The following ANP32A variants were observed in gnomAD, a reference collection of about 807,000 sequenced individuals.
ANP32A encodes acidic nuclear phosphoprotein 32 family member A.
A neutral mutation model predicts 33.9 loss-of-function variants in ANP32A; 1 was observed. The ratio of observed to expected loss-of-function variants is 0.03; its 90% confidence interval spans 0.01 to 0.14. ANP32A has a LOEUF of 0.14. ANP32A is among the 10% of genes least tolerant of loss of function. The pLI, the probability that ANP32A is intolerant of heterozygous loss-of-function variation, is 1.00. For missense variants in ANP32A, 155 were observed against 306.0 expected (o/e 0.51, Z 3.68); for synonymous variants, 115 against 120.5 (o/e 0.95, Z 0.30).
intron 1 of ANP32A, 148 bp downstream of exon 1, chr15:68,820,550 C>T (rs1427904762): frequency 7.4e-6 from 3 of 402,804 alleles, no homozygotes; most frequent in Admixed American, 3.8e-5. Context: ...ACCCCCCAGC[C>T]TTGCCAATTC....
intron 1 of ANP32A, among the ~76,000 whole-genome samples, chr15:68,793,637 A>G (rs1302640991): frequency 6.6e-6 from 1 of 152,192 alleles, no homozygotes; most frequent in African/African-American, 2.4e-5. Flanking sequence ...CATTCTTCAA[A>G]TGCCTCTACC....
rs190776304 is a variant in ANP32A at position 68,793,826 on chromosome 15, C to T, written c.55-5907G>A. ...TGACAGCAGCGCATTAAACCAAGTG[C>T]GTGCTGCACGGGTCACATGCCTGTG... On this transcript the variant is annotated intron_variant, in intron 1 of 6. Transcript: ENST00000465139. Among the ~76,000 whole-genome samples, 3 of 152,312 alleles carry T rather than the reference C, an allele frequency of 2.0e-5. No homozygotes were observed. In the East Asian group the frequency reaches 5.8e-4, roughly 29 times the overall value.
chr15:68,804,997 G>A (rs1380541247), intron 1 of ANP32A, among the ~76,000 whole-genome samples: 1 of 152,212 alleles, frequency 6.6e-6, no homozygotes, highest in Admixed American at 6.5e-5. Flanking sequence ...AGCTCAGTCT[G>A]GTCCTTGGGA....
chr15:68,799,458 T>C (rs1343275406), intron 1 of ANP32A, among the ~76,000 whole-genome samples: 1 of 152,180 alleles, frequency 6.6e-6, no homozygotes. Flanking sequence ...CACAAGTCTA[T>C]GGCTGCTTTA....
chr15:68,789,669 G>A (rs958315041), intron 1 of ANP32A: 21 of 152,490 alleles, frequency 1.4e-4, no homozygotes, highest in African/African-American at 4.8e-4. Context: ...GTCCTGCAGG[G>A]CCCTGCAACT....
chr15:68,790,603 CAT>C (rs1183011689), intron 1 of ANP32A: 2 of 152,236 alleles, frequency 1.3e-5, no homozygotes, highest in African/African-American at 4.8e-5. Flanking sequence ...CTAGGTGCTT[CAT>C]ACACAGTCTC....
chr15:68,786,793 G>A (rs1288577070), intron 3 of ANP32A, among the ~76,000 whole-genome samples: 1 of 152,162 alleles, frequency 6.6e-6, no homozygotes, highest in African/African-American at 2.4e-5. Flanking sequence ...TCTCTACAAG[G>A]ATGAGCAGAG....
At chr15:68,792,618 G>A (rs1362481893) in intron 1 of ANP32A, among the ~76,000 whole-genome samples, 1 of 152,128 alleles carries the variant, frequency 6.6e-6, no homozygotes, top group East Asian at 1.9e-4. Context: ...CTCAAATTTG[G>A]CCTTTCCCCT....
intron 1 of ANP32A, among the ~76,000 whole-genome samples, chr15:68,816,684 C>T (rs1894386602): frequency 6.6e-6 from 1 of 152,028 alleles, no homozygotes; most frequent in African/African-American, 2.4e-5. Context: ...GGTGAAGAAA[C>T]AAAGCTTCAA....
intron 1 of ANP32A, among the ~76,000 whole-genome samples, chr15:68,816,662 T>C (rs756290453): frequency 6.6e-6 from 1 of 152,194 alleles, no homozygotes; most frequent in Non-Finnish European, 1.5e-5. Flanking sequence ...AATAGGATTA[T>C]TCCGTTTTAC....
At chr15:68,786,848 G>A (rs1471429602) in intron 3 of ANP32A, among the ~76,000 whole-genome samples, 4 of 152,068 alleles carry the variant, frequency 2.6e-5, no homozygotes, top group African/African-American at 9.7e-5. Flanking sequence ...GTTCACTATC[G>A]CAACAAGGAC....
At chr15:68,815,564 C>A (rs1894369687) in intron 1 of ANP32A, among the ~76,000 whole-genome samples, 1 of 152,112 alleles carries the variant, frequency 6.6e-6, no homozygotes, top group African/African-American at 2.4e-5. Context: ...CATGACTGTA[C>A]AAAAATTGGG....
At chr15:68,792,229 T>C (rs1028823221) in intron 1 of ANP32A, 2 of 152,174 alleles carry the variant, frequency 1.3e-5, no homozygotes, top group Admixed American at 1.3e-4. Flanking sequence ...TTGTAGACTT[T>C]TTCCCAATTC....
At chr15:68,793,178 C>T (rs190245722) in intron 1 of ANP32A, among the ~76,000 whole-genome samples, 7 of 152,276 alleles carry the variant, frequency 4.6e-5, no homozygotes, top group African/African-American at 1.2e-4. Flanking sequence ...TACCAGGGAG[C>T]GGAGACCAGA....
At chr15:68,784,340 C>A in intron 4 of ANP32A, 57 bp downstream of exon 4, 1 of 1,569,152 alleles carries the variant, frequency 6.4e-7, no homozygotes. Flanking sequence ...AAGCCAAGGA[C>A]GAGCCCCAAG....
At chr15:68,812,111 T>A (rs1354515817) in intron 1 of ANP32A, among the ~76,000 whole-genome samples, 3 of 152,148 alleles carry the variant, frequency 2.0e-5, no homozygotes, top group African/African-American at 7.2e-5. Context: ...CAGCTAACAT[T>A]TCTTGAGAGC....
At chr15:68,798,097 G>A (rs1894086269) in intron 1 of ANP32A, among the ~76,000 whole-genome samples, 1 of 152,350 alleles carries the variant, frequency 6.6e-6, no homozygotes, top group South Asian at 2.1e-4. Context: ...AATCAGATTG[G>A]GAGATTGAAG....
At chr15:68,809,385 T>C (rs1596074329) in intron 1 of ANP32A, among the ~76,000 whole-genome samples, 1 of 152,224 alleles carries the variant, frequency 6.6e-6, no homozygotes, top group Admixed American at 6.5e-5. Context: ...AGCAATTAAT[T>C]AGAACAGTAG....
intron 1 of ANP32A, among the ~76,000 whole-genome samples, chr15:68,816,508 C>T (rs1894383873): frequency 6.6e-6 from 1 of 152,230 alleles, no homozygotes; most frequent in East Asian, 1.9e-4. Context: ...TAAGCACTAG[C>T]TAATATTGTT....
Sources: allele counts gnomAD v4.1 joint callset (sites outside exome capture counted in the v4.1 genomes callset), GRCh38; gene constraint gnomAD v4.1.1; transcripts MANE v1.5; gene names NCBI Gene and HGNC (gene_info 2026-07-23, HGNC 2026-07-21).